The following CDH18 variants were observed in gnomAD, a reference collection of about 807,000 sequenced individuals.
The protein encoded by CDH18 is cadherin 18.
Under a neutral mutation model 67.9 loss-of-function variants are expected in CDH18, and 31 were observed. That is an observed-to-expected ratio of 0.46 (90% confidence interval 0.34 to 0.62). The LOEUF (loss-of-function observed/expected upper bound fraction) is 0.62. Ranked by LOEUF, CDH18 falls within the 20% of genes least tolerant of loss-of-function variation. The pLI, the probability that CDH18 is intolerant of heterozygous loss-of-function variation, is 0.01. For missense variants in CDH18, 890 were observed against 975.5 expected, an observed-to-expected ratio of 0.91 and a Z score of 1.17; for synonymous variants, 362 against 347.2, an observed-to-expected ratio of 1.04 and a Z score of -0.48.
At chr5:20,251,663 C>T (rs867835330) in intron 2 of CDH18, among the ~76,000 whole-genome samples, 3 of 152,020 alleles carry the variant, frequency 2.0e-5, no homozygotes, top group African/African-American at 7.3e-5. Flanking sequence ...CAGGAGGGAG[C>T]TACAGTTAAA....
chr5:19,514,930 G>A (rs1417677925), intron 10 of CDH18, among the ~76,000 whole-genome samples: 1 of 152,190 alleles, frequency 6.6e-6, no homozygotes, highest in Non-Finnish European at 1.5e-5. Context: ...CCATGCCTAT[G>A]TCCTGAATGG....
chr5:20,147,071 G>T (rs1007383769), intron 2 of CDH18, among the ~76,000 whole-genome samples: 7 of 152,084 alleles, frequency 4.6e-5, no homozygotes, highest in African/African-American at 1.7e-4. Context: ...AAGTATTAAA[G>T]TTAAAGATAA....
chr5:20,304,468 A>G (rs1369476417), intron 1 of CDH18: 82 of 1,552,534 alleles, frequency 5.3e-5, no homozygotes, highest in Non-Finnish European at 6.7e-5. Flanking sequence ...CACCACTGTC[A>G]CCTTCCGCTT....
rs75257139 is a variant in CDH18, at chr5:20,276,252, C to T, written c.-579-20747G>A. Among the ~76,000 whole-genome samples the T allele has an allele frequency of 3.2e-4, 49 of 152,250 alleles. 2 individuals are homozygous for T. The East Asian group carries it at 8.9e-3, about 28-fold the overall frequency. On this transcript the variant is annotated intron_variant, in intron 1 of 14. Transcript: ENST00000507958. ...CCACTCCTCTGCTAATCCCAGGGAG[C>T]GCAGCTCACAGCTCCAGGAGAGACT...
chr5:19,582,571 A>T (rs1433312113), intron 7 of CDH18, among the ~76,000 whole-genome samples: 1 of 152,068 alleles, frequency 6.6e-6, no homozygotes, highest in East Asian at 1.9e-4. Flanking sequence ...GGCTGAAAAG[A>T]ATAACTTTTC....
intron 11 of CDH18, among the ~76,000 whole-genome samples, chr5:19,489,279 T>G (rs1306977326): frequency 2.0e-5 from 3 of 147,394 alleles, no homozygotes; most frequent in Non-Finnish European, 4.5e-5. Flanking sequence ...ACTGAGTCTC[T>G]CTCTGTCGCC....
chr5:19,897,052 A>G (rs150708916), intron 2 of CDH18, among the ~76,000 whole-genome samples: 1 of 152,304 alleles, frequency 6.6e-6, no homozygotes, highest in African/African-American at 2.4e-5. Context: ...ACAATGCAGA[A>G]AAGCATATTA....
intron 1 of CDH18, among the ~76,000 whole-genome samples, chr5:20,486,696 T>TATAC (rs1554008072): frequency 2.0e-5 from 3 of 150,400 alleles, no homozygotes; most frequent in African/African-American, 7.3e-5. Context: ...TATATATATA[T>TATAC]ATACATATAT....
chr5:20,165,150 A>G (rs1736189752), intron 2 of CDH18, among the ~76,000 whole-genome samples: 1 of 152,158 alleles, frequency 6.6e-6, no homozygotes, highest in South Asian at 2.1e-4. Flanking sequence ...GAAGCACATT[A>G]GAAATACTCA....
At chr5:19,591,295 ATCTT>A in intron 6 of CDH18, 51 bp from the exon 7 acceptor site, 3 of 1,251,998 alleles carry the variant, frequency 2.4e-6, no homozygotes, top group Admixed American at 5.0e-5. Context: ...TCATGAAATA[ATCTT>A]ACAAGAAAAA....
chr5:20,435,318 A>G (rs1358748802), intron 1 of CDH18, among the ~76,000 whole-genome samples: 2 of 152,046 alleles, frequency 1.3e-5, no homozygotes, highest in East Asian at 3.9e-4. Flanking sequence ...CAGGGTTTGT[A>G]CAGCCAGTAC....
At chr5:20,022,144 T>C (rs1738481703) in intron 2 of CDH18, among the ~76,000 whole-genome samples, 1 of 152,232 alleles carries the variant, frequency 6.6e-6, no homozygotes, top group South Asian at 2.1e-4. Flanking sequence ...CTTACCTTTT[T>C]ATAACTTTAA....
At chr5:20,262,412 A>T (rs534515889) in intron 1 of CDH18, among the ~76,000 whole-genome samples, 201 of 152,338 alleles carry the variant, frequency 1.3e-3, no homozygotes, top group African/African-American at 4.5e-3. Flanking sequence ...AATGTTTTCT[A>T]TAAAATTATT....
intron 6 of CDH18, among the ~76,000 whole-genome samples, chr5:19,604,530 A>AACAC (rs4002268): frequency 0.02 from 2,942 of 145,166 alleles, 69 homozygotes; most frequent in African/African-American, 0.057. Context: ...TTCAAATTAA[A>AACAC]ACACACACAC....
At chr5:20,038,997 C>A (rs1740155089) in intron 2 of CDH18, among the ~76,000 whole-genome samples, 1 of 152,158 alleles carries the variant, frequency 6.6e-6, no homozygotes, top group South Asian at 2.1e-4. Context: ...TCATCAAAGT[C>A]TCAGGGTACA....
chr5:19,496,639 C>T (rs1261979432), intron 11 of CDH18, among the ~76,000 whole-genome samples: 1 of 152,016 alleles, frequency 6.6e-6, no homozygotes, highest in East Asian at 1.9e-4. Flanking sequence ...ATGGTAAACC[C>T]TGTCTCCACT....
chr5:19,529,855 G>C (rs549530502), intron 9 of CDH18, among the ~76,000 whole-genome samples: 1 of 152,068 alleles, frequency 6.6e-6, no homozygotes, highest in Non-Finnish European at 1.5e-5. Context: ...GTTGTTCATT[G>C]AGGTGTCCAT....
chr5:19,657,176 G>T (rs560230756), intron 5 of CDH18, among the ~76,000 whole-genome samples: 2 of 152,102 alleles, frequency 1.3e-5, no homozygotes, highest in African/African-American at 4.8e-5. Flanking sequence ...ATTACAGTTT[G>T]CTACCAAATT....
intron 2 of CDH18, among the ~76,000 whole-genome samples, chr5:20,025,457 T>A (rs1309887334): frequency 6.6e-6 from 1 of 152,228 alleles, no homozygotes; most frequent in Non-Finnish European, 1.5e-5. Flanking sequence ...ACTGTTTTTT[T>A]ATACTCAATT....
Sources: gnomAD v4.1 joint callset for allele counts (sites outside exome capture counted in the v4.1 genomes callset) on GRCh38, gnomAD v4.1.1 for gene constraint, MANE v1.5 for transcripts, NCBI Gene and HGNC (gene_info 2026-07-23, HGNC 2026-07-21) for gene names.